The following ARHGEF5 variants were observed in gnomAD, a reference collection of about 807,000 sequenced individuals.
ARHGEF5 encodes the protein Rho guanine nucleotide exchange factor (GEF) 5.
Under a neutral mutation model 104.0 loss-of-function variants are expected in ARHGEF5, and 11 were observed. The ratio of observed to expected loss-of-function variants is 0.11; its 90% CI spans 0.07 to 0.18. The LOEUF is 0.18. Ranked by LOEUF, ARHGEF5 falls within the 10% of genes least tolerant of loss-of-function variation. ARHGEF5 has a pLI of 1.00. For missense variants in ARHGEF5, 165 were observed against 1,335.4 expected (o/e 0.12, Z 13.66); for synonymous variants, 60 against 512.2 (o/e 0.12, Z 11.92).
Position 144,363,690 on chromosome 7 carries a change from C to G in ARHGEF5, c.1021C>G (p.Gln341Glu), listed in dbSNP as rs2053666675. 6.7e-7 allele frequency: 1 copy of G among 1,501,104 alleles called. No individual in the cohort carries two copies. The highest frequency in any genetic ancestry group is 1.8e-5 in the Admixed American group (1 of 56,788). The allele number at this position is 1,501,104 out of a possible 1,614,324, so 93.0% of individuals were successfully genotyped here. A position where few individuals can be genotyped will look rare whatever the true frequency, so the allele number is the denominator to read the frequency against. The change falls in exon 2 of 15, where the codon CAG becomes GAG. Residue 341 changes from glutamine to glutamate, a missense_variant. Coordinates refer to ENST00000056217, the MANE Select transcript of ARHGEF5 (RefSeq NM_005435.4). ...QVPEENRADS[Q>E]DEKSQTFLGK... ...GCCAGAAGAGAATAGGGCGGACTCT[C>G]AGGACGAAAAGAGTCAAACCTTTTT...
chr7:144,380,240 G>T lies in ARHGEF5; in HGVS notation c.*184G>T, dbSNP rs777568718. The T allele has an allele frequency of 5.7e-6, 4 of 706,640 alleles. No homozygotes were observed. The highest frequency in any genetic ancestry group is 9.0e-6 in the Non-Finnish European group (4 of 444,872). 43.8% of individuals were successfully genotyped at this position (706,640 alleles called of 1,614,324 possible). ...CCTTTCGTGCTTTGTGCTTGGTGGG[G>T]GGGATTTCGAGGGACTTTGCACTGG... On this transcript the variant is annotated 3_prime_UTR_variant, in exon 15 of 15. Coordinates refer to ENST00000056217, the MANE Select transcript of ARHGEF5 (RefSeq NM_005435.4).
At chr7:144,377,478 A>T (rs1391286372) in intron 13 of ARHGEF5, among the ~76,000 whole-genome samples, 1 of 152,118 alleles carries the variant, frequency 6.6e-6, no homozygotes, top group Non-Finnish European at 1.5e-5. Flanking sequence ...TATTTTGCCT[A>T]GATTTTACCT....
chr7:144,380,122 A>T lies in ARHGEF5; in HGVS notation c.*66A>T. 6.3e-7 allele frequency: 1 copy of T among 1,595,470 alleles called. No individual in the cohort carries two copies. Reference sequence around the variant, plus strand: ...GCTCATGGCAAGGGCTGGCCCCAGAACCCTGCAAGAGAGGCCTTCTGTGGA... The same window carrying T: ...GCTCATGGCAAGGGCTGGCCCCAGATCCCTGCAAGAGAGGCCTTCTGTGGA... On this transcript the variant is annotated 3_prime_UTR_variant, in exon 15 of 15. Transcript: ENST00000056217.
chr7:144,377,149 T>G lies in ARHGEF5; in HGVS notation c.4490T>G (p.Leu1497Trp). 1 of 1,528,484 alleles carries G rather than the reference T, an allele frequency of 6.5e-7. No individual in the cohort carries two copies. The allele number at this position is 1,528,484 out of a possible 1,614,324, so 94.7% of individuals were successfully genotyped here. ...QSEKLRWISA[L>W]AMPREELDLL... ...GAAAAGCTTCGGTGGATCTCAGCCT[T>G]GGCCATGCCAAGAGAGGAGTTGGAC... Residue 1497 changes from leucine (L) to tryptophan (W), a missense_variant, in exon 13 of 15, where the codon TTG becomes TGG. Coordinates refer to ENST00000056217, the MANE Select transcript of ARHGEF5 (RefSeq NM_005435.4).
chr7:144,379,768 G>A, intron 14 of ARHGEF5, 131 bp from the exon 15 acceptor site: 1 of 1,226,756 alleles, frequency 8.2e-7, no homozygotes, highest in Non-Finnish European at 1.2e-6. Context: ...GACACTTGGA[G>A]GCTGGGTTTA....
intron 5 of ARHGEF5, among the ~76,000 whole-genome samples, chr7:144,370,741 C>T (rs1320237052): frequency 3.4e-5 from 5 of 147,318 alleles, no homozygotes; most frequent in African/African-American, 1.0e-4. Flanking sequence ...GTTGGGATTA[C>T]AGGCGTGAGC....
intron 14 of ARHGEF5, 29 bp from the exon 15 acceptor site, chr7:144,379,870 A>G (rs1192729408): frequency 6.2e-7 from 1 of 1,613,520 alleles, no homozygotes; most frequent in South Asian, 1.1e-5. Flanking sequence ...TTTCCCAGGT[A>G]ATTCTTCCCA....
chr7:144,377,190 A>G lies in ARHGEF5; in HGVS notation c.4531A>G (p.Asn1511Asp). Residue 1511 changes from asparagine to aspartate, a missense_variant and splice_region_variant, in exon 13 of 15, where the codon AAC (asparagine) becomes GAC (aspartate). Physicochemically the swap from Asn to Asp is conservative, Grantham distance 23. Transcript: ENST00000056217. Reference sequence around the variant, plus strand: ...GGAGTTGGACCTTCTGGAGTGTTACAGTGAGTGAGGGTCTAAGAGGGAGAG... The same window carrying G: ...GGAGTTGGACCTTCTGGAGTGTTACGGTGAGTGAGGGTCTAAGAGGGAGAG... ...REELDLLECYNSPQVQCLRAY... is the reference protein window; with the variant it reads ...REELDLLECYDSPQVQCLRAY... The G allele has an allele frequency of 6.8e-7, 1 of 1,470,764 alleles. No homozygotes were observed. The highest frequency in any genetic ancestry group is 9.1e-7 in the Non-Finnish European group (1 of 1,094,474). 91.1% of individuals were successfully genotyped at this position (1,470,764 alleles called of 1,614,324 possible).
intron 1 of ARHGEF5, among the ~76,000 whole-genome samples, chr7:144,357,812 G>A (rs1212913662): frequency 4.1e-5 from 6 of 145,578 alleles, no homozygotes; most frequent in Admixed American, 6.8e-5. Context: ...GAAGTCACAC[G>A]TGGGTGAGGT....
chr7:144,370,680 G>C (rs1161893315), intron 5 of ARHGEF5, among the ~76,000 whole-genome samples: 1 of 148,756 alleles, frequency 6.7e-6, no homozygotes, highest in Non-Finnish European at 1.5e-5. Flanking sequence ...CGCCCAGCCT[G>C]GTCCTGAACT....
In ARHGEF5 at chr7:144,379,775, T is replaced by C; in HGVS notation, c.4637-124T>C. The C allele has an allele frequency of 6.1e-6, 8 of 1,314,410 alleles. No individual in the cohort carries two copies. The South Asian group carries it at 8.1e-5, about 13-fold the overall frequency. 81.4% of individuals were successfully genotyped at this position (1,314,410 alleles called of 1,614,324 possible). ...CATGTTAGGACACTTGGAGGCTGGG[T>C]TTATGCTGGAGGCTCCCCAGTTCAC... On this transcript the variant is annotated intron_variant, in intron 14 of 14. Coordinates refer to ENST00000056217, the MANE Select transcript of ARHGEF5 (RefSeq NM_005435.4).
chr7:144,370,808 A>T (rs1313009814), intron 5 of ARHGEF5, among the ~76,000 whole-genome samples: 1 of 141,952 alleles, frequency 7.0e-6, no homozygotes, highest in Non-Finnish European at 1.5e-5. Flanking sequence ...TATATTAAAG[A>T]TATACAACAT....
chr7:144,377,303 G>T, intron 13 of ARHGEF5, 113 bp downstream of exon 13: 2 of 1,530,878 alleles, frequency 1.3e-6, no homozygotes, highest in Admixed American at 2.1e-5. Context: ...TTGATATTCC[G>T]TAAAATGTCA....
chr7:144,367,229 C>CCTG lies in ARHGEF5; in HGVS notation c.3405_3406insCTG (p.Val1135_Ser1136insLeu). 1.6e-5 allele frequency: 1 copy of CCTG among 63,716 alleles called. No homozygotes were observed. Among genetic ancestry groups the CCTG allele is most frequent in the Non-Finnish European group, 3.1e-5 (1 of 32,648 alleles). The allele number at this position is 63,716 out of a possible 1,614,324, so 3.9% of individuals were successfully genotyped here. A position where few individuals can be genotyped will look rare whatever the true frequency, so the allele number is the denominator to read the frequency against. The stretch of plus-strand genomic sequence containing the variant: ...CGCGGCAGCCTCGGAAGGCCCTGGT[C>CCTG]TCCTCCGAGTCGTACCTGCAGCGGC... On this transcript the variant is annotated inframe_insertion, in exon 5 of 15. Coordinates refer to ENST00000056217, the MANE Select transcript of ARHGEF5 (RefSeq NM_005435.4).
At position 144,380,248 on chromosome 7, in the gene ARHGEF5, C is replaced by T. The variant is rs866763948; in HGVS notation, c.*192C>T. 4.6e-6 allele frequency: 3 copies of T among 646,990 alleles called. No individual in the cohort carries two copies. Among genetic ancestry groups the T allele is most frequent in the South Asian group, 2.2e-5 (1 of 44,612 alleles). 40.1% of individuals were successfully genotyped at this position (646,990 alleles called of 1,614,324 possible). ...GCTTTGTGCTTGGTGGGGGGGATTTCGAGGGACTTTGCACTGGACTCTGGG... is the reference window on the plus strand; with the variant it reads ...GCTTTGTGCTTGGTGGGGGGGATTTTGAGGGACTTTGCACTGGACTCTGGG... On this transcript the variant is annotated 3_prime_UTR_variant, in exon 15 of 15. Coordinates refer to ENST00000056217, the MANE Select transcript of ARHGEF5 (RefSeq NM_005435.4).
At chr7:144,370,722 T>A (rs1225780847) in intron 5 of ARHGEF5, among the ~76,000 whole-genome samples, 5 of 147,992 alleles carry the variant, frequency 3.4e-5, no homozygotes, top group African/African-American at 1.0e-4. Context: ...CACCTCAGCC[T>A]CCCAAAGTGT....
chr7:144,357,925 A>G (rs2053610348), intron 1 of ARHGEF5, among the ~76,000 whole-genome samples: 1 of 124,770 alleles, frequency 8.0e-6, no homozygotes, highest in Admixed American at 8.0e-5. Flanking sequence ...ATTCACCCTC[A>G]GTGGAGAAGG....
At position 144,380,459 on chromosome 7, in the gene ARHGEF5, G is replaced by A. The variant is rs1313704949; in HGVS notation, c.*403G>A. 1 of 175,770 alleles carries A rather than the reference G, an allele frequency of 5.7e-6. No individual in the cohort carries two copies. Among genetic ancestry groups the A allele is most frequent in the Non-Finnish European group, 1.2e-5 (1 of 80,776 alleles). The allele number at this position is 175,770 out of a possible 1,614,324, so 10.9% of individuals were successfully genotyped here. On this transcript the variant is annotated 3_prime_UTR_variant, in exon 15 of 15. Coordinates refer to ENST00000056217, the MANE Select transcript of ARHGEF5 (RefSeq NM_005435.4). Reference sequence around the variant, plus strand: ...GTCTCCTGGAGGGAGATGTTTAAGAGGGGTTAACACATCAGATGGGAGGGT... The same window carrying A: ...GTCTCCTGGAGGGAGATGTTTAAGAAGGGTTAACACATCAGATGGGAGGGT...
chr7:144,366,523 A>AT, intron 3 of ARHGEF5, 111 bp downstream of exon 3: 1 of 557,296 alleles, frequency 1.8e-6, no homozygotes, highest in Non-Finnish European at 3.2e-6. Flanking sequence ...CGAATGGCTC[A>AT]TTCCTGTTTC....
Sources: allele counts gnomAD v4.1 joint callset (sites outside exome capture counted in the v4.1 genomes callset), GRCh38; gene constraint gnomAD v4.1.1; transcripts MANE v1.5; gene names NCBI Gene and HGNC (gene_info 2026-07-23, HGNC 2026-07-21).